Variants in DIAPH3 observed in about 807,000 individuals in gnomAD.
DIAPH3 encodes the protein diaphanous related formin 3, also known as protein diaphanous homolog 3.
DIAPH3 carries 117 observed loss-of-function variants against 144.3 expected under a neutral mutation model. The ratio of observed to expected loss-of-function variants is 0.81; its 90% CI spans 0.70 to 0.95. DIAPH3 has a LOEUF of 0.95. Among genes scored for constraint, DIAPH3 ranks in the 40% least tolerant of loss-of-function variants. The pLI is 0.00. For synonymous variants in DIAPH3, 519 were observed against 488.9 expected, an observed-to-expected ratio of 1.06 and a Z score of -0.81; for missense variants, 1,421 against 1,412.7, an observed-to-expected ratio of 1.01 and a Z score of -0.09.
chr13:59,874,344 T>A (rs1851668702), intron 21 of DIAPH3, among the ~76,000 whole-genome samples: 1 of 152,220 alleles, frequency 6.6e-6, no homozygotes, highest in Admixed American at 6.5e-5. Context: ...GGTGGAAACA[T>A]TAAAGAATAT....
chr13:60,007,196 C>T (rs1452734459), intron 9 of DIAPH3, among the ~76,000 whole-genome samples: 4 of 151,974 alleles, frequency 2.6e-5, no homozygotes, highest in Non-Finnish European at 2.9e-5. Context: ...GGATTACAGG[C>T]ACCTGCCATC....
chr13:60,032,775 T>A (rs954404736), intron 5 of DIAPH3, among the ~76,000 whole-genome samples: 1 of 152,268 alleles, frequency 6.6e-6, no homozygotes, highest in Non-Finnish European at 1.5e-5. Context: ...TTTTTAGTTA[T>A]GCAAATTTGT....
chr13:59,850,267 AG>A (rs1294631375), intron 22 of DIAPH3, among the ~76,000 whole-genome samples: 2 of 150,690 alleles, frequency 1.3e-5, no homozygotes, highest in African/African-American at 2.4e-5. Context: ...GTCTGCAAAC[AG>A]GGACAATTTG....
Position 60,015,980 on chromosome 13 carries a change from T to A in DIAPH3, c.704A>T (p.Gln235Leu). Reference protein sequence around the residue: ...ILEKLISGKIQEKVVKKNQHK... With the variant: ...ILEKLISGKILEKVVKKNQHK... ...TTGATTTTTCTTTACAACTTTTTCT[T>A]GGCTGTATTGACATAAAAAATAGCA... is the stretch of plus-strand genomic sequence containing the variant. Residue 235 changes from glutamine (Q) to leucine (L), a missense_variant and splice_region_variant, in exon 7 of 28, where the codon CAA (glutamine) becomes CTA (leucine). Coordinates refer to ENST00000400324, the MANE Select transcript of DIAPH3 (RefSeq NM_001042517.2). 1 of 1,613,258 alleles carries A rather than the reference T, an allele frequency of 6.2e-7. No homozygotes were observed.
chr13:59,885,557 T>C (rs1051796660), intron 20 of DIAPH3, among the ~76,000 whole-genome samples: 3 of 151,910 alleles, frequency 2.0e-5, no homozygotes, highest in Admixed American at 6.6e-5. Context: ...CCAAAATTTG[T>C]GTATCTACTT....
intron 24 of DIAPH3, among the ~76,000 whole-genome samples, chr13:59,823,986 T>C (rs1337064942): frequency 2.6e-5 from 4 of 152,180 alleles, no homozygotes; most frequent in Non-Finnish European, 5.9e-5. Context: ...ACAACATAGA[T>C]TTCAATTTTA....
chr13:59,952,703 C>CA (rs1375053816), intron 17 of DIAPH3, among the ~76,000 whole-genome samples: 2 of 152,146 alleles, frequency 1.3e-5, no homozygotes, highest in Non-Finnish European at 1.5e-5. Context: ...CTAAAGTCAT[C>CA]AGAGGCAGAG....
intron 2 of DIAPH3, among the ~76,000 whole-genome samples, chr13:60,118,221 C>CA (rs1029177388): frequency 6.6e-6 from 1 of 151,344 alleles, no homozygotes; most frequent in Non-Finnish European, 1.5e-5. Context: ...ATTAATTAAA[C>CA]AAAAAAAGGT....
chr13:59,971,314 T>C (rs1170385458), intron 15 of DIAPH3, among the ~76,000 whole-genome samples, 154 bp from the exon 16 acceptor site: 1 of 152,178 alleles, frequency 6.6e-6, no homozygotes, highest in African/African-American at 2.4e-5. Flanking sequence ...ATTCCAACAA[T>C]TTTTCTTCTA....
intron 4 of DIAPH3, among the ~76,000 whole-genome samples, chr13:60,092,254 T>A (rs1289979429): frequency 1.3e-5 from 2 of 152,082 alleles, no homozygotes; most frequent in African/African-American, 2.4e-5. Context: ...AGAGCTCTGA[T>A]TCTTAAACCC....
At chr13:59,999,712 G>A (rs1736587441) in intron 9 of DIAPH3, among the ~76,000 whole-genome samples, 1 of 152,100 alleles carries the variant, frequency 6.6e-6, no homozygotes, top group Admixed American at 6.6e-5. Context: ...TTTCAGGGCA[G>A]CCTGAGACAC....
At chr13:60,082,260 TAAATAG>T (rs148539017) in intron 4 of DIAPH3, among the ~76,000 whole-genome samples, 9,005 of 149,380 alleles carry the variant, frequency 0.06, 740 homozygotes, top group African/African-American at 0.19. Flanking sequence ...GTTTAAAACC[TAAATAG>T]AAATAAAGAA....
chr13:59,731,341 G>A (rs972367629), intron 27 of DIAPH3, among the ~76,000 whole-genome samples: 1 of 151,892 alleles, frequency 6.6e-6, no homozygotes, highest in African/African-American at 2.4e-5. Context: ...AAGACATTGG[G>A]GAAAAAACTG....
At chr13:59,846,181 T>C (rs1292666153) in intron 22 of DIAPH3, among the ~76,000 whole-genome samples, 1 of 152,062 alleles carries the variant, frequency 6.6e-6, no homozygotes, top group Non-Finnish European at 1.5e-5. Context: ...ATGGCCTCTA[T>C]GATTTACTAG....
At chr13:59,931,171 C>T (rs778361292) in intron 17 of DIAPH3, among the ~76,000 whole-genome samples, 9 of 152,190 alleles carry the variant, frequency 5.9e-5, no homozygotes, top group Non-Finnish European at 8.8e-5. Flanking sequence ...ATTCCCCTCA[C>T]GATAATATCC....
chr13:59,933,427 C>T (rs1223109674), intron 17 of DIAPH3, among the ~76,000 whole-genome samples: 2 of 152,192 alleles, frequency 1.3e-5, no homozygotes, highest in Non-Finnish European at 1.5e-5. Flanking sequence ...CACAATTTAG[C>T]ATTCAAGAGT....
intron 21 of DIAPH3, among the ~76,000 whole-genome samples, chr13:59,874,308 A>G (rs560298046): frequency 2.0e-5 from 3 of 152,322 alleles, no homozygotes; most frequent in Admixed American, 6.5e-5. Context: ...ATTTGTCACA[A>G]TTTTGGAAAG....
intron 1 of DIAPH3, among the ~76,000 whole-genome samples, chr13:60,160,230 A>G (rs1164529692): frequency 6.6e-6 from 1 of 152,224 alleles, no homozygotes; most frequent in Non-Finnish European, 1.5e-5. Flanking sequence ...TCTCAAAAAA[A>G]GAAAAAAAAG....
chr13:60,101,400 G>T (rs1490167017), intron 3 of DIAPH3, among the ~76,000 whole-genome samples: 1 of 152,034 alleles, frequency 6.6e-6, no homozygotes, highest in Non-Finnish European at 1.5e-5. Flanking sequence ...TCCACACCTT[G>T]CTATCACCCA....
Sources: allele counts gnomAD v4.1 joint callset (sites outside exome capture counted in the v4.1 genomes callset), GRCh38; gene constraint gnomAD v4.1.1; transcripts MANE v1.5; gene names NCBI Gene and HGNC (gene_info 2026-07-23, HGNC 2026-07-21).